STARD13: variants seen among roughly 807,000 people sequenced by gnomAD.
The protein encoded by STARD13 is stAR-related lipid transfer protein 13.
Under a neutral mutation model 106.4 loss-of-function variants are expected in STARD13, and 62 were observed. The observed-to-expected ratio is 0.58, with a 90% CI of 0.48 to 0.72. The LOEUF (loss-of-function observed/expected upper bound fraction) is 0.72, where lower values mean the gene tolerates loss of function less well. Ranked by LOEUF, STARD13 falls within the 30% of genes least tolerant of loss-of-function variation. The probability of loss-of-function intolerance (pLI) is 0.00; values close to 1 mark genes in which losing one functional copy is unlikely to be tolerated. For missense variants in STARD13, 1,387 were observed against 1,424.0 expected, an observed-to-expected ratio of 0.97 and a Z score of 0.42; for synonymous variants, 565 against 553.0, an observed-to-expected ratio of 1.02 and a Z score of -0.31.
the STARD13 span, among the ~76,000 whole-genome samples, chr13:33,421,830 T>A: frequency 6.6e-6 from 1 of 151,964 alleles, no homozygotes; most frequent in East Asian, 1.9e-4. Context: ...CATAAACAGA[T>A]CCAACCGCAA....
chr13:33,297,138 G>A (rs1158518327), intron 1 of STARD13, among the ~76,000 whole-genome samples: 1 of 152,184 alleles, frequency 6.6e-6, no homozygotes, highest in East Asian at 1.9e-4. Flanking sequence ...TCTTTACAGC[G>A]TGATGCTTAT....
the STARD13 span, chr13:33,511,352 T>C: frequency 6.6e-6 from 1 of 151,944 alleles, no homozygotes; most frequent in East Asian, 1.9e-4. Flanking sequence ...GTCCAAGATA[T>C]ATTTATTTAT....
At chr13:33,500,986 T>A in the STARD13 span, among the ~76,000 whole-genome samples, 1 of 149,902 alleles carries the variant, frequency 6.7e-6, no homozygotes, top group Non-Finnish European at 1.5e-5. Flanking sequence ...ACAGTATAAC[T>A]ATCGGAAAAA....
chr13:33,148,972 C>T (rs954064716), intron 3 of STARD13, among the ~76,000 whole-genome samples: 9 of 152,144 alleles, frequency 5.9e-5, no homozygotes, highest in African/African-American at 2.2e-4. Context: ...AGGCTATATC[C>T]TCTATGATCC....
intron 1 of STARD13, among the ~76,000 whole-genome samples, chr13:33,204,711 C>T (rs1034766233): frequency 2.0e-5 from 3 of 152,220 alleles, no homozygotes; most frequent in Non-Finnish European, 4.4e-5. Flanking sequence ...AATCAATCAG[C>T]AAGGATTTCT....
At chr13:33,327,698 T>A (rs1249228675) in intron 1 of STARD13, among the ~76,000 whole-genome samples, 1 of 152,226 alleles carries the variant, frequency 6.6e-6, no homozygotes, top group Non-Finnish European at 1.5e-5. Context: ...ATCAGTATTA[T>A]TTTTTATCAT....
intron 1 of STARD13, among the ~76,000 whole-genome samples, chr13:33,298,369 T>G (rs2138454984): frequency 6.6e-6 from 1 of 151,136 alleles, no homozygotes; most frequent in East Asian, 2.0e-4. Flanking sequence ...ACTCCTGACC[T>G]CAAATGATCC....
chr13:33,498,027 T>A, the STARD13 span, among the ~76,000 whole-genome samples: 1 of 152,184 alleles, frequency 6.6e-6, no homozygotes, highest in Admixed American at 6.5e-5. Flanking sequence ...ATCTAAGACA[T>A]TACAATAGTG....
intron 1 of STARD13, among the ~76,000 whole-genome samples, chr13:33,197,950 C>G (rs1023673873): frequency 6.6e-6 from 1 of 152,198 alleles, no homozygotes; most frequent in Non-Finnish European, 1.5e-5. Context: ...ATGGGCGGAT[C>G]ATGAGGTCAG....
chr13:33,346,786 T>C (rs1024984084), downstream of STARD13, among the ~76,000 whole-genome samples: 1 of 151,606 alleles, frequency 6.6e-6, no homozygotes, highest in Non-Finnish European at 1.5e-5. Flanking sequence ...CATGCCACCA[T>C]GACAGGCTAA....
chr13:33,335,685 G>A (rs772864265), intron 1 of STARD13, among the ~76,000 whole-genome samples: 3 of 152,228 alleles, frequency 2.0e-5, no homozygotes, highest in Admixed American at 6.5e-5. Context: ...AGCAACCAAC[G>A]AGGTGTGTGG....
chr13:33,507,229 G>A, the STARD13 span, among the ~76,000 whole-genome samples: 1 of 152,138 alleles, frequency 6.6e-6, no homozygotes, highest in South Asian at 2.1e-4. Flanking sequence ...TTGCTATTAA[G>A]TCAGATATTA....
At chr13:33,329,118 A>T (rs1419746394) in intron 1 of STARD13, among the ~76,000 whole-genome samples, 1 of 152,318 alleles carries the variant, frequency 6.6e-6, no homozygotes, top group East Asian at 1.9e-4. Flanking sequence ...TCAGCTTTTC[A>T]TGAGAGGTTG....
At chr13:33,408,447 TCTC>T in the STARD13 span, among the ~76,000 whole-genome samples, 2 of 152,002 alleles carry the variant, frequency 1.3e-5, no homozygotes, top group Non-Finnish European at 2.9e-5. Context: ...TTTAACATAA[TCTC>T]CTCAAGGATC....
At chr13:33,359,333 C>T in the STARD13 span, 50 of 164,682 alleles carry the variant, frequency 3.0e-4, no homozygotes, top group Middle Eastern at 2.8e-3. Context: ...GTAACACTCA[C>T]CGCGAAGGTC....
In STARD13 at chr13:33,110,031, G is replaced by C. The variant is rs34251901; in HGVS notation, c.2889C>G (p.Pro963=). ...TCAGCACGCGGTTCAGGACCACTGAGGGGGGTGCTTCCACCTCCACAGAAG... is the reference window on the plus strand; with the variant it reads ...TCAGCACGCGGTTCAGGACCACTGACGGGGGTGCTTCCACCTCCACAGAAG... ...WKASVEVEAP[P]SVVLNRVLRE... The change falls in exon 12 of 14, where the codon CCC becomes CCG. Residue 963 remains proline, a synonymous_variant. Coordinates refer to ENST00000336934, the MANE Select transcript of STARD13 (RefSeq NM_178006.4). The C allele has an allele frequency of 1.9e-6, 3 of 1,614,078 alleles. No homozygotes were observed. Among genetic ancestry groups the C allele is most frequent in the South Asian group, 2.2e-5 (2 of 91,086 alleles).
At chr13:33,166,376 G>A (rs1883314000) in intron 2 of STARD13, among the ~76,000 whole-genome samples, 1 of 152,008 alleles carries the variant, frequency 6.6e-6, no homozygotes, top group East Asian at 1.9e-4. Context: ...GGTCTGGTTT[G>A]AGGCTCCTCT....
chr13:33,636,491 C>A, the STARD13 span, among the ~76,000 whole-genome samples: 1 of 152,026 alleles, frequency 6.6e-6, no homozygotes, highest in Admixed American at 6.6e-5. Context: ...AGGCATAAAC[C>A]GGGACTCTCC....
At chr13:33,166,478 A>G (rs938003598) in intron 2 of STARD13, among the ~76,000 whole-genome samples, 11 of 152,074 alleles carry the variant, frequency 7.2e-5, no homozygotes, top group Middle Eastern at 3.2e-3. Flanking sequence ...GGGCTCTTGC[A>G]CTGTGCACCG....
Sources: allele counts gnomAD v4.1 joint callset (sites outside exome capture counted in the v4.1 genomes callset), GRCh38; gene constraint gnomAD v4.1.1; transcripts MANE v1.5; gene names NCBI Gene and HGNC (gene_info 2026-07-23, HGNC 2026-07-21).